KHSRP: variants seen among roughly 807,000 people sequenced by gnomAD.
The protein encoded by KHSRP is far upstream element-binding protein 2.
Under a neutral mutation model 94.9 loss-of-function variants are expected in KHSRP, and 13 were observed. The observed-to-expected ratio is 0.14, with a 90% CI of 0.09 to 0.22. KHSRP has a LOEUF of 0.22. KHSRP is among the 10% of genes least tolerant of loss of function. The pLI, the probability that KHSRP is intolerant of heterozygous loss-of-function variation, is 1.00. For missense variants in KHSRP, 710 were observed against 1,010.0 expected (o/e 0.70, Z 4.03); for synonymous variants, 495 against 401.4 (o/e 1.23, Z -2.79).
At chr19:6,421,719 A>G (rs1599244663) in intron 2 of KHSRP, 31 bp from the exon 3 acceptor site, 1 of 1,612,264 alleles carries the variant, frequency 6.2e-7, no homozygotes, top group African/African-American at 1.3e-5. Context: ...CAGATGCAGC[A>G]CCCACCCACC....
intron 11 of KHSRP, 139 bp downstream of exon 11, chr19:6,417,600 A>G: frequency 1.5e-6 from 1 of 664,136 alleles, no homozygotes; most frequent in South Asian, 1.7e-5. Flanking sequence ...GGGACTGGCC[A>G]TGTTCTGACG....
In KHSRP at chr19:6,416,820, T is replaced by C. The variant is rs1483443285; in HGVS notation, c.1245A>G (p.Arg415=). The change falls in exon 13 of 19, where the codon AGA becomes AGG. Residue 415 remains arginine (R), a synonymous_variant. Coordinates refer to ENST00000600480, the MANE Select transcript of KHSRP (RefSeq NM_001366299.1). The stretch of plus-strand genomic sequence containing the variant: ...CAGGGGGACCCCAATTGCCTTGGCC[T>C]CTTCCTCGGCCTCGGCCCCCCGGGG... ...GMPPGGRGRG[R]GQGNWGPPGG... The C allele has an allele frequency of 6.3e-7, 1 of 1,587,838 alleles. No homozygotes were observed.
chr19:6,414,575 A>G lies in KHSRP; in HGVS notation c.*449T>C, dbSNP rs2092127563. The G allele has an allele frequency of 2.0e-6, 2 of 1,016,666 alleles. No homozygotes were observed. Among genetic ancestry groups the G allele is most frequent in the Non-Finnish European group, 2.4e-6 (2 of 850,902 alleles). The allele number at this position is 1,016,666 out of a possible 1,614,324, so 63.0% of individuals were successfully genotyped here. On this transcript the variant is annotated 3_prime_UTR_variant, in exon 19 of 19. Transcript: ENST00000600480. ...GCAAGCGCGAGCGCATGGGAGGCTG[A>G]GCCCGGCGGGGCAGGGGCCTGGGCC...
chr19:6,418,226 T>C lies in KHSRP; in HGVS notation c.880-147A>G, dbSNP rs72983829. 30,807 of 711,720 alleles carry C rather than the reference T, an allele frequency of 0.043. 897 individuals carry two copies. Among genetic ancestry groups the C allele is most frequent in the Non-Finnish European group, 0.056 (23,006 of 411,852 alleles). The allele number at this position is 711,720 out of a possible 1,614,324, so 44.1% of individuals were successfully genotyped here. A position where few individuals can be genotyped will look rare whatever the true frequency, so the allele number is the denominator to read the frequency against. On this transcript the variant is annotated intron_variant, in intron 9 of 18. Transcript: ENST00000600480. This position sits in a 1 kb window ranked among gnomAD's most constrained non-coding sequence, Gnocchi z 4.3. ...CCTACTGAGCTCTCTACCTGCCACT[T>C]TAATGGGGAGGCACTACCAGCAGCC...
In KHSRP at chr19:6,416,860, C is replaced by G. The variant is rs1222334462; in HGVS notation, c.1205G>C (p.Gly402Ala). 6.2e-7 allele frequency: 1 copy of G among 1,607,066 alleles called. No individual in the cohort carries two copies. ...SLRSGPPGPP[G>A]GPGMPPGGRG... ...GCCCCCCGGGGGCATGCCTGGACCC[C>G]CTGGAGGACCTGGGGGACCACTCTG... Residue 402 changes from glycine to alanine, a missense_variant, in exon 13 of 19, where the codon GGG becomes GCG. Around this residue, in one of 5 missense-constraint regions of KHSRP, gnomAD observed 288 missense variants for 501.1 expected, o/e 0.57. Coordinates refer to ENST00000600480, the MANE Select transcript of KHSRP (RefSeq NM_001366299.1).
Position 6,415,585 on chromosome 19 carries a change from T to G in KHSRP, c.1837A>C (p.Thr613Pro). The stretch of plus-strand genomic sequence containing the variant: ...GCCTTAGTGTAGTCCGACTGGCCGG[T>G]GGGTGGGGGCTGAGGGGGCTCACCC... ...AQGEPPQPPPTGQSDYTKAWE... is the reference protein window; with the variant it reads ...AQGEPPQPPPPGQSDYTKAWE... Residue 613 changes from threonine (T) to proline (P), a missense_variant, in exon 17 of 19, where the codon ACC (threonine) becomes CCC (proline). By Grantham distance (38) the Thr-to-Pro change is conservative. Coordinates refer to ENST00000600480, the MANE Select transcript of KHSRP (RefSeq NM_001366299.1). 1 of 1,508,990 alleles carries G rather than the reference T, an allele frequency of 6.6e-7. No homozygotes were observed. Among genetic ancestry groups the G allele is most frequent in the South Asian group, 1.3e-5 (1 of 79,086 alleles). The allele number at this position is 1,508,990 out of a possible 1,614,324, so 93.5% of individuals were successfully genotyped here. A position where few individuals can be genotyped will look rare whatever the true frequency, so the allele number is the denominator to read the frequency against.
chr19:6,419,168 C>T (rs2092178587), intron 7 of KHSRP, 35 bp downstream of exon 7: 1 of 1,554,164 alleles, frequency 6.4e-7, no homozygotes, highest in Non-Finnish European at 8.7e-7. Context: ...CTGCCTGCCC[C>T]CCACATCACA....
In KHSRP at chr19:6,424,769, A is replaced by C. The variant is rs2092223064; in HGVS notation, c.-68T>G. On this transcript the variant is annotated 5_prime_UTR_variant, in exon 1 of 19. Coordinates refer to ENST00000600480, the MANE Select transcript of KHSRP (RefSeq NM_001366299.1). The stretch of plus-strand genomic sequence containing the variant: ...AGGCGGCGGCGGCGGCGGCGGCTCA[A>C]CGCGGGAACAAGGCCTCGCTCCACA... The C allele has an allele frequency of 1.5e-6, 1 of 671,998 alleles. No individual in the cohort carries two copies. The highest frequency in any genetic ancestry group is 1.9e-6 in the Non-Finnish European group (1 of 535,698). 41.6% of individuals were successfully genotyped at this position (671,998 alleles called of 1,614,324 possible). A position where few individuals can be genotyped will look rare whatever the true frequency, so the allele number is the denominator to read the frequency against.
chr19:6,423,915 A>T (rs1373132745), intron 1 of KHSRP, among the ~76,000 whole-genome samples: 3 of 152,214 alleles, frequency 2.0e-5, no homozygotes, highest in African/African-American at 7.2e-5. Context: ...TCCAAGAGCC[A>T]GTCCCCATGC....
In KHSRP at chr19:6,420,148, G is replaced by C. The variant is rs765367122; in HGVS notation, c.476-4C>G. 3 of 1,610,568 alleles carry C rather than the reference G, an allele frequency of 1.9e-6. No individual in the cohort carries two copies. The highest frequency in any genetic ancestry group is 2.2e-5 in the South Asian group (2 of 90,800). On this transcript the variant is annotated splice_polypyrimidine_tract_variant and splice_region_variant and intron_variant, in intron 5 of 18. Coordinates refer to ENST00000600480, the MANE Select transcript of KHSRP (RefSeq NM_001366299.1). ...TGTTCACCTCCTCTGCCAATGACTG[G>C]ATGGAGAAAGAAGGAGAAAAGCAAA... is the stretch of plus-strand genomic sequence containing the variant.
At position 6,415,174 on chromosome 19, in the gene KHSRP, G is replaced by A. The variant is rs1200828014; in HGVS notation, c.2094C>T (p.Pro698=). The A allele has an allele frequency of 6.2e-7, 1 of 1,608,638 alleles. No individual in the cohort carries two copies. ...GTCCCTGCTGCGTGGGCGGCGGCTGGGGGCCGCCAGGACCTGGGGTCTGTC... is the reference window on the plus strand; with the variant it reads ...GTCCCTGCTGCGTGGGCGGCGGCTGAGGGCCGCCAGGACCTGGGGTCTGTC... The part of the protein sequence containing the change: ...YYGQTPGPGG[P]QPPPTQQGQQ... The change falls in exon 19 of 19, where the codon CCC becomes CCT. Residue 698 remains proline, a synonymous_variant. Coordinates refer to ENST00000600480, the MANE Select transcript of KHSRP (RefSeq NM_001366299.1).
rs1256316375 is a variant in KHSRP, at chr19:6,414,272, G to A, written c.*752C>T. ...TGGCTCAGGCTGGAAGGACGTGCTT[G>A]TTAACTGTCTAGCCAGGTGCTCGCG... is the stretch of plus-strand genomic sequence containing the variant. On this transcript the variant is annotated 3_prime_UTR_variant, in exon 19 of 19. Coordinates refer to ENST00000600480, the MANE Select transcript of KHSRP (RefSeq NM_001366299.1). The A allele has an allele frequency of 3.4e-6, 5 of 1,449,364 alleles. No individual in the cohort carries two copies. The highest frequency in any genetic ancestry group is 4.6e-6 in the Non-Finnish European group (5 of 1,097,058). The allele number at this position is 1,449,364 out of a possible 1,614,324, so 89.8% of individuals were successfully genotyped here.
In KHSRP at chr19:6,413,964, TC is replaced by T; in HGVS notation, c.*1059del. On this transcript the variant is annotated 3_prime_UTR_variant, in exon 19 of 19. Coordinates refer to ENST00000600480, the MANE Select transcript of KHSRP (RefSeq NM_001366299.1). ...AGTGAGGGCCCGGCATGCCCCCAAGTCCCCCCCACCCTGCTTGCCGCGAGGG... is the reference window on the plus strand; with the variant it reads ...AGTGAGGGCCCGGCATGCCCCCAAGTCCCCCCACCCTGCTTGCCGCGAGGG... The T allele has an allele frequency of 2.1e-5, 16 of 771,770 alleles. No individual in the cohort carries two copies. The highest frequency in any genetic ancestry group is 7.0e-5 in the Admixed American group (2 of 28,716). The allele number at this position is 771,770 out of a possible 1,614,324, so 47.8% of individuals were successfully genotyped here. A position where few individuals can be genotyped will look rare whatever the true frequency, so the allele number is the denominator to read the frequency against.
rs375807716 is a variant in KHSRP, at chr19:6,416,979, C to T, written c.1182+8G>A. ...CTGCCAGCCCCTTCAGCACCCGGGG[C>T]CACCTACCCTGAGGCTCTGGAGGAG... On this transcript the variant is annotated splice_region_variant and intron_variant, in intron 12 of 18. Coordinates refer to ENST00000600480, the MANE Select transcript of KHSRP (RefSeq NM_001366299.1). 4.3e-6 allele frequency: 7 copies of T among 1,613,706 alleles called. No individual in the cohort carries two copies. The South Asian group carries it at 7.7e-5, about 18-fold the overall frequency.
intron 1 of KHSRP, chr19:6,424,122 G>A (rs191218666): frequency 3.8e-4 from 58 of 152,242 alleles, no homozygotes; most frequent in African/African-American, 1.2e-3. Context: ...CTCCGCCCGG[G>A]AAGGTGGACC....
chr19:6,414,796 G>C lies in KHSRP; in HGVS notation c.*228C>G. On this transcript the variant is annotated 3_prime_UTR_variant, in exon 19 of 19. Transcript: ENST00000600480. The stretch of plus-strand genomic sequence containing the variant: ...GATTGTGAGCGAGGTGGTGGCGGCC[G>C]GGCCGGTGCCCACCGTCCGCGCTGT... 2 of 1,156,190 alleles carry C rather than the reference G, an allele frequency of 1.7e-6. No homozygotes were observed. Among genetic ancestry groups the C allele is most frequent in the East Asian group, 4.5e-5 (1 of 22,466 alleles). 71.6% of individuals were successfully genotyped at this position (1,156,190 alleles called of 1,614,324 possible).
chr19:6,420,176 G>A (rs369255616), intron 5 of KHSRP, 32 bp from the exon 6 acceptor site: 40 of 1,584,658 alleles, frequency 2.5e-5, no homozygotes, highest in Admixed American at 2.2e-4. Flanking sequence ...AAAGCAAAGC[G>A]TGATGAGGGA....
chr19:6,413,566 AG>A lies in KHSRP; in HGVS notation c.*1457del. The A allele has an allele frequency of 4.1e-6, 1 of 242,642 alleles. No homozygotes were observed. The highest frequency in any genetic ancestry group is 8.7e-6 in the Non-Finnish European group (1 of 114,804). 15.0% of individuals were successfully genotyped at this position (242,642 alleles called of 1,614,324 possible). A position where few individuals can be genotyped will look rare whatever the true frequency, so the allele number is the denominator to read the frequency against. On this transcript the variant is annotated 3_prime_UTR_variant, in exon 19 of 19. Transcript: ENST00000600480. Reference sequence around the variant, plus strand: ...AAGAGGGGGCTTGGCTGCTGGGGGAAGGGGTCCTGCAATACAACACCTGGTC... The same window carrying A: ...AAGAGGGGGCTTGGCTGCTGGGGGAAGGGTCCTGCAATACAACACCTGGTC...
At position 6,413,462 on chromosome 19, in the gene KHSRP, CAG is replaced by C. The variant is rs1433583239; in HGVS notation, c.*1560_*1561del. 5.1e-6 allele frequency: 2 copies of C among 392,180 alleles called. No homozygotes were observed. Among genetic ancestry groups the C allele is most frequent in the Non-Finnish European group, 1.0e-5 (2 of 197,832 alleles). The allele number at this position is 392,180 out of a possible 1,614,324, so 24.3% of individuals were successfully genotyped here. On this transcript the variant is annotated 3_prime_UTR_variant, in exon 19 of 19. Transcript: ENST00000600480. ...TTTTCAGTTTCAATCTCCTCTTGAA[CAG>C]ATGAAAAGACAACAGACCAGTCCTG...
Sources: allele counts gnomAD v4.1 joint callset (sites outside exome capture counted in the v4.1 genomes callset), GRCh38; gene constraint gnomAD v4.1.1; regional missense constraint gnomAD v4.1.1; non-coding constraint Gnocchi (gnomAD v3.1); transcripts MANE v1.5; gene names NCBI Gene and HGNC (gene_info 2026-07-23, HGNC 2026-07-21).